Variants in CBFA2T3 observed in about 807,000 individuals in gnomAD.
CBFA2T3 encodes transcriptional corepressor CBFA2T3.
A neutral mutation model predicts 58.6 loss-of-function variants in CBFA2T3; 31 were observed. That is an observed-to-expected ratio of 0.53 (90% CI 0.40 to 0.71). The LOEUF (loss-of-function observed/expected upper bound fraction) is 0.71. CBFA2T3 is among the 30% of genes least tolerant of loss of function. The probability of loss-of-function intolerance (pLI) is 0.00; values close to 1 mark genes in which losing one functional copy is unlikely to be tolerated. For synonymous variants in CBFA2T3, 531 were observed against 421.9 expected (o/e 1.26, Z -3.17); for missense variants, 1,076 against 963.1 (o/e 1.12, Z -1.55).
chr16:88,882,791 CCCA>C (rs1186169979), intron 7 of CBFA2T3, 30 bp from the exon 8 acceptor site: 2 of 1,418,464 alleles, frequency 1.4e-6, no homozygotes, highest in Non-Finnish European at 1.9e-6. Context: ...ACGCTTAGGT[CCCA>C]CCCACAGCCA....
At chr16:88,951,084 A>G (rs1385653373) in intron 1 of CBFA2T3, 2 of 373,514 alleles carry the variant, frequency 5.4e-6, no homozygotes, top group East Asian at 7.8e-5. Context: ...CCTCCCCTGG[A>G]CCGGCACCGC....
intron 9 of CBFA2T3, 108 bp downstream of exon 9, chr16:88,881,183 A>C (rs1231319734): frequency 9.7e-7 from 1 of 1,028,680 alleles, no homozygotes; most frequent in South Asian, 1.3e-5. Context: ...TTCTCAAGCG[A>C]AACTGTTCTG....
intron 1 of CBFA2T3, among the ~76,000 whole-genome samples, chr16:88,975,334 G>C (rs567885643): frequency 1.8e-4 from 27 of 149,936 alleles, no homozygotes; most frequent in African/African-American, 4.6e-4. Flanking sequence ...CTCCTTCCAC[G>C]GTAGACACCC....
Position 88,901,512 on chromosome 16 carries a change from G to T in CBFA2T3, c.296C>A (p.Pro99Gln), listed in dbSNP as rs1459454113. The T allele has an allele frequency of 6.8e-7, 1 of 1,473,544 alleles. No individual in the cohort carries two copies. 91.3% of individuals were successfully genotyped at this position (1,473,544 alleles called of 1,614,324 possible). The change falls in exon 2 of 12, where the codon CCA becomes CAA. Residue 99 changes from proline to glutamine, a missense_variant. Coordinates refer to ENST00000268679, the MANE Select transcript of CBFA2T3 (RefSeq NM_005187.6). ...AGGTGGGGGCTACTTACGTGTGTGT[G>T]GCGTGAAGGAGGGGGGGCGTGTGGC... ...QGATRPPSFT[P>Q]HTHREDGPAT... is the part of the protein sequence containing the mutation.
intron 1 of CBFA2T3, among the ~76,000 whole-genome samples, chr16:88,908,892 G>C (rs902751098): frequency 2.6e-5 from 4 of 152,250 alleles, no homozygotes; most frequent in Non-Finnish European, 4.4e-5. Flanking sequence ...ATTTTGTGCA[G>C]AACACCTCAT....
At chr16:88,935,329 G>A (rs1161676516) in intron 1 of CBFA2T3, among the ~76,000 whole-genome samples, 1 of 152,192 alleles carries the variant, frequency 6.6e-6, no homozygotes, top group East Asian at 1.9e-4. Context: ...AAGGGGAGGG[G>A]CCCGGCAATC....
At chr16:88,912,498 G>A (rs867052009) in intron 1 of CBFA2T3, among the ~76,000 whole-genome samples, 29 of 152,270 alleles carry the variant, frequency 1.9e-4, no homozygotes, top group East Asian at 5.8e-4. Context: ...AGGTCTTGGC[G>A]CAAATGTCCC....
Position 88,941,226 on chromosome 16 carries a change from C to T in CBFA2T3, c.151+35431G>A, listed in dbSNP as rs1213672653. The T allele has an allele frequency of 7.3e-6, 7 of 959,098 alleles. No individual in the cohort carries two copies. In the East Asian group the frequency reaches 7.0e-4, roughly 96 times the overall value. The allele number at this position is 959,098 out of a possible 1,614,324, so 59.4% of individuals were successfully genotyped here. ...CTGGGCCATGCCGGGGACTCGGCTC[C>T]GGCCACCCCGCGCGGGAACAAAGCG... On this transcript the variant is annotated intron_variant, in intron 1 of 11. Transcript: ENST00000268679.
intron 1 of CBFA2T3, among the ~76,000 whole-genome samples, chr16:88,910,635 G>A (rs1321202653): frequency 6.6e-6 from 1 of 152,228 alleles, no homozygotes; most frequent in Non-Finnish European, 1.5e-5. Flanking sequence ...AGTGCAGGGC[G>A]GCCCTCGCAG....
At chr16:88,887,843 G>A (rs1969443537) in intron 5 of CBFA2T3, among the ~76,000 whole-genome samples, 2 of 152,180 alleles carry the variant, frequency 1.3e-5, no homozygotes, top group Admixed American at 1.3e-4. Context: ...CCTCTGCACA[G>A]ATGGGCGCTC....
intron 1 of CBFA2T3, among the ~76,000 whole-genome samples, chr16:88,967,229 C>T (rs1162928849): frequency 2.9e-5 from 4 of 137,976 alleles, no homozygotes; most frequent in African/African-American, 5.7e-5. Flanking sequence ...CCCCAGCCCC[C>T]GAGGTGCCAC....
chr16:88,942,044 G>C (rs972512322), intron 1 of CBFA2T3, among the ~76,000 whole-genome samples: 2 of 152,042 alleles, frequency 1.3e-5, no homozygotes, highest in Admixed American at 6.5e-5. Flanking sequence ...CGAAGCCCTC[G>C]CTTCCCGCGG....
chr16:88,885,338 G>A lies in CBFA2T3; in HGVS notation c.894-69C>T, dbSNP rs1969319495. 4 of 1,125,956 alleles carry A rather than the reference G, an allele frequency of 3.6e-6. No homozygotes were observed. The highest frequency in any genetic ancestry group is 4.9e-6 in the Non-Finnish European group (4 of 816,502). 69.7% of individuals were successfully genotyped at this position (1,125,956 alleles called of 1,614,324 possible). A position where few individuals can be genotyped will look rare whatever the true frequency, so the allele number is the denominator to read the frequency against. ...GAACCGGGGACAGAGGTGCAGGTGGGGTGAGAGGCAGACAGGCAAGGGCAG... is the reference window on the plus strand; with the variant it reads ...GAACCGGGGACAGAGGTGCAGGTGGAGTGAGAGGCAGACAGGCAAGGGCAG... On this transcript the variant is annotated intron_variant, in intron 6 of 11. Coordinates refer to ENST00000268679, the MANE Select transcript of CBFA2T3 (RefSeq NM_005187.6). The surrounding 1 kb of genome is among the most constrained non-coding windows in gnomAD (Gnocchi z 5.3).
At chr16:88,886,344 C>T (rs150199360) in intron 5 of CBFA2T3, 1 of 434,988 alleles carries the variant, frequency 2.3e-6, no homozygotes, top group East Asian at 3.5e-5. Context: ...GGGCACAGAG[C>T]TTCGCAGGAG....
chr16:88,892,024 C>T (rs368853040), intron 4 of CBFA2T3, 53 bp from the exon 5 acceptor site: 32 of 1,489,134 alleles, frequency 2.1e-5, no homozygotes, highest in East Asian at 1.4e-4. Context: ...TGTGAGCCAG[C>T]GCCGACCCAC....
intron 1 of CBFA2T3, among the ~76,000 whole-genome samples, chr16:88,967,199 G>A (rs1378096753): frequency 7.8e-5 from 8 of 102,416 alleles, no homozygotes; most frequent in Admixed American, 3.9e-4. Context: ...GCCCCGACAC[G>A]AGGCAGCGCC....
intron 1 of CBFA2T3, chr16:88,938,742 G>A (rs1418198029): frequency 6.6e-6 from 1 of 152,268 alleles, no homozygotes; most frequent in African/African-American, 2.4e-5. Context: ...GCACGCTGAA[G>A]TTGCTTCTGG....
rs1393468544 is a variant in CBFA2T3 at position 88,875,925 on chromosome 16, C to T, written c.*1051G>A. 4.3e-6 allele frequency: 1 copy of T among 233,266 alleles called. No individual in the cohort carries two copies. Among genetic ancestry groups the T allele is most frequent in the East Asian group, 6.0e-5 (1 of 16,570 alleles). The allele number at this position is 233,266 out of a possible 1,614,324, so 14.4% of individuals were successfully genotyped here. A position where few individuals can be genotyped will look rare whatever the true frequency, so the allele number is the denominator to read the frequency against. On this transcript the variant is annotated 3_prime_UTR_variant, in exon 12 of 12. Coordinates refer to ENST00000268679, the MANE Select transcript of CBFA2T3 (RefSeq NM_005187.6). Reference sequence around the variant, plus strand: ...CAGGCCGGAGCAACGGCACACGGACCACGCACACGCGGCGGACGCACCAAC... The same window carrying T: ...CAGGCCGGAGCAACGGCACACGGACTACGCACACGCGGCGGACGCACCAAC...
At position 88,901,773 on chromosome 16, in the gene CBFA2T3, G is replaced by C. The variant is rs35297192; in HGVS notation, c.152-117C>G. The C allele has an allele frequency of 4.1e-3, 3,706 of 895,754 alleles. 13 individuals carry two copies. The highest frequency in any genetic ancestry group is 4.8e-3 in the Non-Finnish European group (2,999 of 628,990). 55.5% of individuals were successfully genotyped at this position (895,754 alleles called of 1,614,324 possible). A position where few individuals can be genotyped will look rare whatever the true frequency, so the allele number is the denominator to read the frequency against. ...TGAGTGTCCGCCCAGCGCTGGGGCA[G>C]TCTGCCCCAGGTGTCCTGACAGGTG... On this transcript the variant is annotated intron_variant, in intron 1 of 11. Coordinates refer to ENST00000268679, the MANE Select transcript of CBFA2T3 (RefSeq NM_005187.6).
Sources: allele counts gnomAD v4.1 joint callset (sites outside exome capture counted in the v4.1 genomes callset), GRCh38; gene constraint gnomAD v4.1.1; non-coding constraint Gnocchi (gnomAD v3.1); transcripts MANE v1.5; gene names NCBI Gene and HGNC (gene_info 2026-07-23, HGNC 2026-07-21).